The following ZNF430 variants were observed in gnomAD, a reference collection of about 807,000 sequenced individuals.
The protein encoded by ZNF430 is zinc finger protein 430.
A neutral mutation model predicts 56.7 loss-of-function variants in ZNF430; 35 were observed. The ratio of observed to expected loss-of-function variants is 0.62; its 90% CI spans 0.47 to 0.82. The LOEUF is 0.82. ZNF430 is among the 40% of genes least tolerant of loss of function. ZNF430 has a pLI of 0.00. For synonymous variants in ZNF430, 212 were observed against 224.3 expected, an observed-to-expected ratio of 0.94 and a Z score of 0.49; for missense variants, 574 against 661.0, an observed-to-expected ratio of 0.87 and a Z score of 1.44.
chr19:21,026,576 C>T (rs539079437), intron 2 of ZNF430, among the ~76,000 whole-genome samples: 1 of 152,188 alleles, frequency 6.6e-6, no homozygotes, highest in African/African-American at 2.4e-5. Context: ...ATATTCTATT[C>T]TTTTTGTGGC....
intron 4 of ZNF430, among the ~76,000 whole-genome samples, chr19:21,051,132 AAACAAG>A (rs1270291022): frequency 6.6e-6 from 1 of 152,222 alleles, no homozygotes; most frequent in Non-Finnish European, 1.5e-5. Context: ...AATACACATT[AAACAAG>A]AACCAATTTT....
intron 1 of ZNF430, among the ~76,000 whole-genome samples, chr19:21,021,399 T>G (rs555266588): frequency 6.6e-6 from 1 of 151,934 alleles, no homozygotes; most frequent in Non-Finnish European, 1.5e-5. Context: ...CTTGGGAGAC[T>G]GAGGCAGGAG....
intron 1 of ZNF430, 32 bp downstream of exon 1, chr19:21,020,835 G>C: frequency 1.2e-6 from 2 of 1,613,712 alleles, no homozygotes; most frequent in South Asian, 1.1e-5. Context: ...TCCCCAGAGA[G>C]GGGAGGGGCT....
In ZNF430 at chr19:21,057,908, A is replaced by G. The variant is rs1349325289; in HGVS notation, c.1600A>G (p.Ile534Val). 1.9e-6 allele frequency: 3 copies of G among 1,613,684 alleles called. No individual in the cohort carries two copies. The African/African-American group carries it at 4.0e-5, about 22-fold the overall frequency. Residue 534 changes from isoleucine to valine, a missense_variant, in exon 5 of 5, where the codon ATT (isoleucine) becomes GTT (valine). Ile to Val is a conservative substitution (Grantham distance 29). Transcript: ENST00000261560. ...TTCAACTCTTACTAAACATAAGGTAATTCATACTGGAGAGAAACCCTACAA... is the reference window on the plus strand; with the variant it reads ...TTCAACTCTTACTAAACATAAGGTAGTTCATACTGGAGAGAAACCCTACAA... ...QSSTLTKHKV[I>V]HTGEKPYNCE... is the part of the protein sequence containing the mutation.
intron 1 of ZNF430, among the ~76,000 whole-genome samples, chr19:21,022,224 G>A (rs1029432017): frequency 7.9e-5 from 12 of 151,970 alleles, no homozygotes; most frequent in South Asian, 2.1e-4. Context: ...CACACTCCAC[G>A]GGGAACTGAT....
intron 4 of ZNF430, among the ~76,000 whole-genome samples, chr19:21,044,565 A>G (rs1968157360): frequency 6.6e-6 from 1 of 152,162 alleles, no homozygotes; most frequent in African/African-American, 2.4e-5. Context: ...TATCTTTGCC[A>G]GATCTTGGTA....
intron 2 of ZNF430, among the ~76,000 whole-genome samples, chr19:21,027,609 T>A (rs908092404): frequency 3.3e-5 from 5 of 152,068 alleles, no homozygotes; most frequent in African/African-American, 9.7e-5. Context: ...CTTTTTTTTT[T>A]AATCTCTGCC....
At chr19:21,042,530 G>A (rs1329449648) in intron 4 of ZNF430, among the ~76,000 whole-genome samples, 1 of 152,164 alleles carries the variant, frequency 6.6e-6, no homozygotes, top group Admixed American at 6.5e-5. Flanking sequence ...GCTCACACCT[G>A]TAATCCCAGC....
intron 4 of ZNF430, among the ~76,000 whole-genome samples, chr19:21,055,558 C>T (rs149764597): frequency 7.4e-4 from 112 of 152,168 alleles, no homozygotes; most frequent in African/African-American, 2.5e-3. Context: ...AAGTGATTCT[C>T]CTGCCTCAGC....
chr19:21,052,078 G>T (rs1238510584), intron 4 of ZNF430, among the ~76,000 whole-genome samples: 3 of 152,194 alleles, frequency 2.0e-5, no homozygotes, highest in Admixed American at 6.5e-5. Context: ...TTGAACAGGA[G>T]CATGCTGGAG....
chr19:21,021,499 G>A (rs1473860676), intron 1 of ZNF430, among the ~76,000 whole-genome samples: 6 of 150,680 alleles, frequency 4.0e-5, no homozygotes, highest in African/African-American at 1.5e-4. Flanking sequence ...ACTCCGTCTC[G>A]GAAAAAAAAA....
At chr19:21,024,940 G>T (rs1967765386) in intron 2 of ZNF430, among the ~76,000 whole-genome samples, 1 of 152,092 alleles carries the variant, frequency 6.6e-6, no homozygotes, top group Non-Finnish European at 1.5e-5. Context: ...AAGTTCAGGA[G>T]CCTGTGAAAA....
At chr19:21,046,639 T>C (rs1396231951) in intron 4 of ZNF430, among the ~76,000 whole-genome samples, 1 of 152,230 alleles carries the variant, frequency 6.6e-6, no homozygotes, top group Non-Finnish European at 1.5e-5. Flanking sequence ...AATTCTTTTC[T>C]TTAAGAATGT....
intron 2 of ZNF430, among the ~76,000 whole-genome samples, chr19:21,031,076 G>T (rs2144757959): frequency 6.6e-6 from 1 of 152,188 alleles, no homozygotes; most frequent in South Asian, 2.1e-4. Flanking sequence ...TAGAGATGAG[G>T]TTACACCATG....
intron 4 of ZNF430, among the ~76,000 whole-genome samples, chr19:21,054,147 T>A (rs1968331040): frequency 6.6e-6 from 1 of 152,128 alleles, no homozygotes; most frequent in South Asian, 2.1e-4. Flanking sequence ...ACTTTCAAAT[T>A]TTAGAAAATA....
intron 1 of ZNF430, among the ~76,000 whole-genome samples, chr19:21,022,448 T>A (rs141280902): frequency 6.4e-4 from 97 of 152,354 alleles, no homozygotes; most frequent in Middle Eastern, 3.4e-3. Flanking sequence ...AGTTATTTTC[T>A]GACAAAGTAT....
chr19:21,036,795 G>A (rs1968006999), intron 4 of ZNF430: 1 of 131,324 alleles, frequency 7.6e-6, no homozygotes, highest in Admixed American at 7.6e-5. Context: ...GAGTGAGACT[G>A]TGTCTCCAAA....
chr19:21,048,757 G>A (rs867940244), intron 4 of ZNF430, among the ~76,000 whole-genome samples: 19 of 152,066 alleles, frequency 1.2e-4, no homozygotes, highest in African/African-American at 4.3e-4. Context: ...CAGAAGGGGC[G>A]GCCGGGCAGA....
In ZNF430 at chr19:21,034,147, GA is replaced by G; in HGVS notation, c.287del (p.Asn96IlefsTer2). 6.2e-7 allele frequency: 1 copy of G among 1,613,364 alleles called. No homozygotes were observed. The highest frequency in any genetic ancestry group is 2.2e-5 in the East Asian group (1 of 44,868). On this transcript the variant is annotated frameshift_variant, in exon 4 of 5. Coordinates refer to ENST00000261560, the MANE Select transcript of ZNF430 (RefSeq NM_025189.4). LOFTEE classifies it high-confidence loss of function. ...TCLEQGKEPWNMKRHAMVDQP... is the reference protein window; with the variant it reads ...TCLEQGKEPWXMKRHAMVDQP... ...GTCTAGAGCAAGGAAAAGAGCCCTG[GA>G]ATATGAAGAGACATGCGATGGTAGA...
Sources: gnomAD v4.1 joint callset for allele counts (sites outside exome capture counted in the v4.1 genomes callset) on GRCh38, gnomAD v4.1.1 for gene constraint, MANE v1.5 for transcripts, NCBI Gene and HGNC (gene_info 2026-07-23, HGNC 2026-07-21) for gene names.